PDE4C: variants seen among roughly 807,000 people sequenced by gnomAD.
PDE4C encodes the protein phosphodiesterase 4C, also known as 3',5'-cyclic-AMP phosphodiesterase 4C.
A neutral mutation model predicts 63.9 loss-of-function variants in PDE4C; 50 were observed. That is an observed-to-expected ratio of 0.78 (90% CI 0.62 to 0.99). The LOEUF (loss-of-function observed/expected upper bound fraction) is 0.99, where lower values mean the gene tolerates loss of function less well. Ranked by LOEUF, PDE4C falls within the 50% of genes least tolerant of loss-of-function variation. The probability of loss-of-function intolerance (pLI) is 0.00; values close to 1 mark genes in which losing one functional copy is unlikely to be tolerated. For synonymous variants in PDE4C, 377 were observed against 385.1 expected (o/e 0.98, Z 0.25); for missense variants, 777 against 899.1 (o/e 0.86, Z 1.74).
upstream of PDE4C, among the ~76,000 whole-genome samples, chr19:18,238,337 G>A (rs1052034646): frequency 1.3e-5 from 2 of 151,264 alleles, no homozygotes; most frequent in Non-Finnish European, 2.9e-5. Flanking sequence ...CCAGGTTCAA[G>A]TGATTCTCCT....
intron 1 of PDE4C, among the ~76,000 whole-genome samples, chr19:18,244,074 C>T (rs958660380): frequency 2.0e-5 from 3 of 151,426 alleles, no homozygotes; most frequent in Non-Finnish European, 2.9e-5. Context: ...GGGTTTCACC[C>T]TGTTGGCCAG....
exon 2 of PDE4C, chr19:18,222,224 G>A (rs1406271878): frequency 1.2e-6 from 2 of 1,614,042 alleles, no homozygotes; most frequent in Non-Finnish European, 1.7e-6. Context: ...CGCGCCGCTG[G>A]CTGTGCGGGA....
At chr19:18,232,368 T>A (rs927053432) in intron 1 of PDE4C, among the ~76,000 whole-genome samples, 1 of 141,806 alleles carries the variant, frequency 7.1e-6, no homozygotes, top group Non-Finnish European at 1.5e-5. Flanking sequence ...GTCTCAAAAA[T>A]AAAAACGTGT....
chr19:18,233,478 A>T, exon 1 of PDE4C: 2 of 664,398 alleles, frequency 3.0e-6, no homozygotes. Flanking sequence ...CCCCCAACAC[A>T]CCAGCCCCGA....
rs188348632 is a variant in PDE4C at position 18,222,337 on chromosome 19, C to T, written c.147-14G>A. 907 of 1,602,672 alleles carry T rather than the reference C, an allele frequency of 5.7e-4. 1 individual carries two copies. The highest frequency in any genetic ancestry group is 7.1e-4 in the Non-Finnish European group (838 of 1,173,760). Reference sequence around the variant, plus strand: ...TCCAGGTCAAAGCTGAAAGGAGAGACGGCATGGTCAGAGACGAGGGTCATG... The same window carrying T: ...TCCAGGTCAAAGCTGAAAGGAGAGATGGCATGGTCAGAGACGAGGGTCATG... On this transcript the variant is annotated splice_polypyrimidine_tract_variant and intron_variant, in intron 1 of 14. Coordinates refer to ENST00000262805, the Ensembl canonical transcript of PDE4C.
chr19:18,230,076 G>A (rs1229176036), upstream of PDE4C, among the ~76,000 whole-genome samples: 1 of 152,008 alleles, frequency 6.6e-6, no homozygotes, highest in African/African-American at 2.4e-5. Flanking sequence ...AAATGCCTCA[G>A]AGCACCCTCC....
chr19:18,213,556 T>G, intron 12 of PDE4C, 66 bp from the exon 13 acceptor site: 1 of 1,519,170 alleles, frequency 6.6e-7, no homozygotes, highest in Non-Finnish European at 8.9e-7. Flanking sequence ...CACTCCCAAC[T>G]CCCAGATGCC....
chr19:18,252,591 CCTCTCTCTCTCTCTTTCT>C, upstream of PDE4C: 1 of 354,526 alleles, frequency 2.8e-6, no homozygotes. Context: ...ATAGCGAGAC[CCTCTCTCTCTCTCTTTCT>C]CTCTCTCTTT....
chr19:18,246,810 C>A (rs978870207), intron 1 of PDE4C, among the ~76,000 whole-genome samples: 2 of 152,140 alleles, frequency 1.3e-5, no homozygotes, highest in Admixed American at 1.3e-4. Flanking sequence ...GCCTGTAACT[C>A]CAGCTGCTCG....
Position 18,218,257 on chromosome 19 carries a change from G to A in PDE4C, c.1135-9C>T. ...AAGTCTGTGAACACAGCCTGAGCAG[G>A]CAGAGGGCACAGGCGGTGAGGGGCG... On this transcript the variant is annotated splice_polypyrimidine_tract_variant and intron_variant, in intron 10 of 14. Transcript: ENST00000262805. 6.2e-7 allele frequency: 1 copy of A among 1,614,084 alleles called. No individual in the cohort carries two copies. Among genetic ancestry groups the A allele is most frequent in the Non-Finnish European group, 8.5e-7 (1 of 1,179,908 alleles).
chr19:18,243,613 G>T (rs1969080576), intron 1 of PDE4C, among the ~76,000 whole-genome samples: 3 of 152,164 alleles, frequency 2.0e-5, no homozygotes, highest in South Asian at 4.1e-4. Flanking sequence ...TGGAATTATG[G>T]GGGACCTGGC....
chr19:18,240,397 C>T (rs11667487), intron 1 of PDE4C, among the ~76,000 whole-genome samples: 37,421 of 139,272 alleles, frequency 0.27, 5,054 homozygotes, highest in Middle Eastern at 0.33. Flanking sequence ...CACTGCTCTT[C>T]AGCCCGGCTT....
intron 1 of PDE4C, among the ~76,000 whole-genome samples, chr19:18,247,614 G>A (rs1270821172): frequency 6.6e-6 from 1 of 152,162 alleles, no homozygotes; most frequent in African/African-American, 2.4e-5. Flanking sequence ...GTATTTCTCA[G>A]TAGAGGGTCT....
At chr19:18,225,666 C>G (rs574382187) in intron 1 of PDE4C, 1 of 152,302 alleles carries the variant, frequency 6.6e-6, no homozygotes, top group African/African-American at 2.4e-5. Flanking sequence ...GGGATTCGAA[C>G]CCAGAGGGGT....
intron 1 of PDE4C, chr19:18,248,148 G>C (rs1165091124): frequency 2.2e-6 from 1 of 456,254 alleles, no homozygotes; most frequent in Non-Finnish European, 4.4e-6. Flanking sequence ...GCTCCAGGAG[G>C]CCCAGGCATG....
chr19:18,231,161 T>C (rs1171881025), upstream of PDE4C, among the ~76,000 whole-genome samples: 1 of 152,218 alleles, frequency 6.6e-6, no homozygotes, highest in Non-Finnish European at 1.5e-5. Flanking sequence ...TCAGTTTCGC[T>C]GGGCTTCCCC....
chr19:18,230,756 TG>T (rs926041765), upstream of PDE4C, among the ~76,000 whole-genome samples: 2 of 152,158 alleles, frequency 1.3e-5, no homozygotes, highest in African/African-American at 4.8e-5. Context: ...CTGCTGGGTC[TG>T]GAGCCTCCTC....
In PDE4C at chr19:18,220,745, C is replaced by T. The variant is rs772614240; in HGVS notation, c.499+129G>A. The stretch of plus-strand genomic sequence containing the variant: ...GTGTGGTGGGGTCCATCCCCGAGGG[C>T]GTTATTGTTTTTGCAGGGGCGGGGC... On this transcript the variant is annotated intron_variant, in intron 5 of 14. Transcript: ENST00000262805. This position sits in a 1 kb window ranked among gnomAD's most constrained non-coding sequence, Gnocchi z 5.1. The T allele has an allele frequency of 8.6e-5, 82 of 950,604 alleles. 1 individual carries two copies. Among genetic ancestry groups the T allele is most frequent in the Non-Finnish European group, 9.8e-5 (59 of 602,270 alleles). 58.9% of individuals were successfully genotyped at this position (950,604 alleles called of 1,614,324 possible). A position where few individuals can be genotyped will look rare whatever the true frequency, so the allele number is the denominator to read the frequency against.
exon 1 of PDE4C, chr19:18,233,365 G>T: frequency 1.2e-6 from 1 of 843,464 alleles, no homozygotes. Flanking sequence ...CTCAAGGTGG[G>T]GCCGACACCG....
Sources: allele counts gnomAD v4.1 joint callset (sites outside exome capture counted in the v4.1 genomes callset), GRCh38; gene constraint gnomAD v4.1.1; non-coding constraint Gnocchi (gnomAD v3.1); transcripts MANE v1.5; gene names NCBI Gene and HGNC (gene_info 2026-07-23, HGNC 2026-07-21).